Variants in PARD3B observed in about 807,000 individuals in gnomAD.
The protein encoded by PARD3B is partitioning defective 3 homolog B.
Under a neutral mutation model 130.2 loss-of-function variants are expected in PARD3B, and 103 were observed. The ratio of observed to expected loss-of-function variants is 0.79; its 90% confidence interval spans 0.67 to 0.93. The LOEUF (loss-of-function observed/expected upper bound fraction) is 0.93, where lower values mean the gene tolerates loss of function less well. Among genes scored for constraint, PARD3B ranks in the 40% least tolerant of loss-of-function variants. The pLI, the probability that PARD3B is intolerant of heterozygous loss-of-function variation, is 0.00. For synonymous variants in PARD3B, 583 were observed against 553.2 expected, an observed-to-expected ratio of 1.05 and a Z score of -0.76; for missense variants, 1,609 against 1,499.2, an observed-to-expected ratio of 1.07 and a Z score of -1.21.
At chr2:205,415,866 A>G (rs2046757715) in intron 19 of PARD3B, among the ~76,000 whole-genome samples, 1 of 152,214 alleles carries the variant, frequency 6.6e-6, no homozygotes, top group South Asian at 2.1e-4. Context: ...CAATTGACAC[A>G]GGAAATTTGA....
At chr2:204,918,709 T>C (rs959938119) in intron 2 of PARD3B, among the ~76,000 whole-genome samples, 2 of 151,246 alleles carry the variant, frequency 1.3e-5, no homozygotes, top group African/African-American at 4.9e-5. Context: ...TATAGAAAAA[T>C]AATAGTTTTA....
chr2:204,811,250 T>C (rs933946084), intron 2 of PARD3B, among the ~76,000 whole-genome samples: 2 of 152,098 alleles, frequency 1.3e-5, no homozygotes, highest in African/African-American at 4.8e-5. Context: ...TTCATGGAGT[T>C]CTACCTGTGT....
intron 4 of PARD3B, among the ~76,000 whole-genome samples, chr2:205,054,680 G>A (rs182485715): frequency 3.3e-5 from 5 of 151,352 alleles, no homozygotes; most frequent in Non-Finnish European, 7.4e-5. Context: ...AACTGAATGG[G>A]TTTTGTTTTC....
chr2:205,490,268 C>T (rs2085557853), intron 20 of PARD3B, among the ~76,000 whole-genome samples: 1 of 151,980 alleles, frequency 6.6e-6, no homozygotes, highest in South Asian at 2.1e-4. Context: ...CCCCACTCCC[C>T]CCACCCCACA....
intron 3 of PARD3B, among the ~76,000 whole-genome samples, chr2:204,968,705 T>C (rs1017270465): frequency 6.6e-6 from 1 of 152,254 alleles, no homozygotes; most frequent in African/African-American, 2.4e-5. Context: ...ACCTTCTTCA[T>C]GAAGCCTTGT....
At chr2:205,068,562 A>T (rs1700531192) in intron 4 of PARD3B, among the ~76,000 whole-genome samples, 1 of 134,432 alleles carries the variant, frequency 7.4e-6, no homozygotes, top group African/African-American at 2.8e-5. Context: ...TAGCCTAAGA[A>T]TAGACAAGGA....
chr2:204,700,073 A>G (rs994635093), intron 2 of PARD3B, among the ~76,000 whole-genome samples: 14 of 152,138 alleles, frequency 9.2e-5, no homozygotes, highest in African/African-American at 2.2e-4. Context: ...TAAAGGTGGA[A>G]TATTAAAAAT....
Position 204,900,974 on chromosome 2 carries a change from G to C in PARD3B, c.223-64178G>C, listed in dbSNP as rs1342921179. 3.3e-5 allele frequency among the ~76,000 whole-genome samples: 5 copies of C among 151,978 alleles called. No individual in the cohort carries two copies. The East Asian group carries it at 9.7e-4, about 29-fold the overall frequency. ...TCCCTTATTTTCTCCCAAACAATTG[G>C]AGTCTTTCTGTCTCTGCTGAGCTTC... On this transcript the variant is annotated intron_variant, in intron 2 of 22. Transcript: ENST00000406610.
intron 19 of PARD3B, among the ~76,000 whole-genome samples, chr2:205,415,907 C>T (rs920437751): frequency 4.6e-5 from 7 of 151,966 alleles, no homozygotes; most frequent in South Asian, 2.1e-4. Flanking sequence ...AGATTAAACC[C>T]GAAATATGTA....
intron 18 of PARD3B, among the ~76,000 whole-genome samples, chr2:205,385,099 G>T (rs1354585179): frequency 6.6e-6 from 1 of 152,006 alleles, no homozygotes; most frequent in Non-Finnish European, 1.5e-5. Context: ...GATACAATAA[G>T]AAATCTGATT....
At chr2:204,596,956 C>A (rs553429407) in intron 1 of PARD3B, among the ~76,000 whole-genome samples, 58 of 151,454 alleles carry the variant, frequency 3.8e-4, no homozygotes, top group Non-Finnish European at 5.9e-4. Flanking sequence ...CTCTCTCTCT[C>A]TCTCTCTATA....
rs542269005 is a variant in PARD3B at position 205,403,887 on chromosome 2, G to A, written c.2741+2764G>A. Reference sequence around the variant, plus strand: ...TCCTTGTTCTTCATGTACCTTCTCCGAAATATCTTTTCTTACTGGTACAAT... The same window carrying A: ...TCCTTGTTCTTCATGTACCTTCTCCAAAATATCTTTTCTTACTGGTACAAT... On this transcript the variant is annotated intron_variant, in intron 19 of 22. Coordinates refer to ENST00000406610, the MANE Select transcript of PARD3B (RefSeq NM_001302769.2). Among the ~76,000 whole-genome samples, 10 of 152,150 alleles carry A rather than the reference G, an allele frequency of 6.6e-5. No homozygotes were observed. The East Asian group carries it at 1.5e-3, about 23-fold the overall frequency.
At chr2:205,277,829 G>A (rs559735053) in intron 16 of PARD3B, among the ~76,000 whole-genome samples, 2 of 152,278 alleles carry the variant, frequency 1.3e-5, no homozygotes, top group South Asian at 4.1e-4. Context: ...GCCAAAGGGA[G>A]CCCTACAGGA....
chr2:205,579,285 G>GA (rs2053876446), intron 22 of PARD3B, among the ~76,000 whole-genome samples: 7 of 152,140 alleles, frequency 4.6e-5, no homozygotes, highest in South Asian at 4.1e-4. Context: ...ATTTAAGGAA[G>GA]AAAAAAGGCT....
intron 6 of PARD3B, 137 bp downstream of exon 6, chr2:205,113,714 G>T: frequency 1.8e-6 from 1 of 550,148 alleles, no homozygotes; most frequent in South Asian, 3.2e-5. Flanking sequence ...TACTTCTGTT[G>T]GCCACTTAAG....
chr2:204,790,023 A>G (rs2042146626), intron 2 of PARD3B, among the ~76,000 whole-genome samples: 2 of 151,966 alleles, frequency 1.3e-5, no homozygotes, highest in South Asian at 4.1e-4. Context: ...GGTGCCTGCC[A>G]CCGCACCTGG....
intron 15 of PARD3B, among the ~76,000 whole-genome samples, chr2:205,210,775 T>G (rs541507455): frequency 1.3e-5 from 2 of 152,226 alleles, no homozygotes; most frequent in South Asian, 4.1e-4. Flanking sequence ...TTATTTTACT[T>G]TTAAAATCAC....
chr2:205,567,406 C>T (rs1266095846), intron 22 of PARD3B, among the ~76,000 whole-genome samples: 1 of 141,804 alleles, frequency 7.1e-6, no homozygotes, highest in African/African-American at 2.6e-5. Flanking sequence ...GCTCCGCCTC[C>T]CAGGTTCACA....
chr2:205,249,006 G>GTTTTTTTTTTTTT (rs10707308), intron 16 of PARD3B, among the ~76,000 whole-genome samples: 10 of 95,082 alleles, frequency 1.1e-4, no homozygotes, highest in African/African-American at 3.7e-4. Flanking sequence ...TAAAATAAGA[G>GTTTTTTTTTTTTT]TTTTTTTTTT....
Sources: allele counts gnomAD v4.1 joint callset (sites outside exome capture counted in the v4.1 genomes callset), GRCh38; gene constraint gnomAD v4.1.1; transcripts MANE v1.5; gene names NCBI Gene and HGNC (gene_info 2026-07-23, HGNC 2026-07-21).